Variants in SERINC5 observed in about 807,000 individuals in gnomAD.
SERINC5 encodes chromosome 5 open reading frame 12.
A neutral mutation model predicts 63.1 loss-of-function variants in SERINC5; 41 were observed. The observed-to-expected ratio is 0.65, with a 90% CI of 0.51 to 0.84. The LOEUF (loss-of-function observed/expected upper bound fraction) is 0.84, where lower values mean the gene tolerates loss of function less well. Ranked by LOEUF, SERINC5 falls within the 40% of genes least tolerant of loss-of-function variation. The pLI is 0.00. For missense variants in SERINC5, 523 were observed against 573.0 expected (o/e 0.91, Z 0.89); for synonymous variants, 222 against 215.2 (o/e 1.03, Z -0.28).
intron 7 of SERINC5, 126 bp from the exon 8 acceptor site, chr5:80,159,088 C>T: frequency 2.3e-6 from 2 of 869,092 alleles, no homozygotes; most frequent in South Asian, 3.2e-5. Flanking sequence ...ACACTTATCA[C>T]TGGAAACTTC....
chr5:80,233,999 A>G (rs1462961967), intron 1 of SERINC5, among the ~76,000 whole-genome samples: 17 of 151,644 alleles, frequency 1.1e-4, no homozygotes, highest in Non-Finnish European at 2.1e-4. Flanking sequence ...TTTAGTAGAG[A>G]CAGGGTTTCA....
rs907202183 is a variant in SERINC5 at position 80,142,935 on chromosome 5, A to T, written c.*728T>A. The T allele has an allele frequency of 1.0e-6, 1 of 985,320 alleles. No homozygotes were observed. Among genetic ancestry groups the T allele is most frequent in the Non-Finnish European group, 1.2e-6 (1 of 829,922 alleles). The allele number at this position is 985,320 out of a possible 1,614,324, so 61.0% of individuals were successfully genotyped here. A position where few individuals can be genotyped will look rare whatever the true frequency, so the allele number is the denominator to read the frequency against. ...TTGCAGTAACTCGGATCAGGTAGTGATAATAAGGTGGGGAACCACCTGGGG... is the reference window on the plus strand; with the variant it reads ...TTGCAGTAACTCGGATCAGGTAGTGTTAATAAGGTGGGGAACCACCTGGGG... On this transcript the variant is annotated 3_prime_UTR_variant, in exon 12 of 12. Transcript: ENST00000507668.
At chr5:80,132,803 G>A (rs1452378322) in intron 11 of SERINC5, among the ~76,000 whole-genome samples, 1 of 152,020 alleles carries the variant, frequency 6.6e-6, no homozygotes, top group African/African-American at 2.4e-5. Context: ...CACAGCAATA[G>A]GGGACTGGAA....
chr5:80,232,057 G>A (rs1026957253), intron 1 of SERINC5, among the ~76,000 whole-genome samples: 3 of 143,928 alleles, frequency 2.1e-5, no homozygotes, highest in African/African-American at 7.9e-5. Flanking sequence ...AGCCACGACT[G>A]TGCCACCACA....
chr5:80,217,612 A>G (rs1208855950), intron 1 of SERINC5, among the ~76,000 whole-genome samples: 1 of 152,232 alleles, frequency 6.6e-6, no homozygotes, highest in African/African-American at 2.4e-5. Context: ...TATGTAACAC[A>G]TATGGATGCA....
At chr5:80,135,528 A>T (rs1745132775), downstream of SERINC5, among the ~76,000 whole-genome samples, 1 of 152,226 alleles carries the variant, frequency 6.6e-6, no homozygotes, top group South Asian at 2.1e-4. Context: ...TAACTACAAT[A>T]GAGAATCCCT....
chr5:80,222,731 C>T (rs1211397634), intron 1 of SERINC5, among the ~76,000 whole-genome samples: 7 of 152,044 alleles, frequency 4.6e-5, no homozygotes, highest in Admixed American at 1.3e-4. Context: ...TGCCACCACA[C>T]CTGGCTAATT....
At chr5:80,163,995 G>A (rs995126182) in intron 7 of SERINC5, among the ~76,000 whole-genome samples, 11 of 152,018 alleles carry the variant, frequency 7.2e-5, no homozygotes, top group African/African-American at 2.7e-4. Flanking sequence ...GACTCCATTC[G>A]GTCCTGGCTT....
At chr5:80,130,134 CTTTG>C (rs1744883418) in intron 11 of SERINC5, among the ~76,000 whole-genome samples, 2 of 152,156 alleles carry the variant, frequency 1.3e-5, no homozygotes, top group African/African-American at 4.8e-5. Context: ...AATCCCAGCA[CTTTG>C]GGAGGCCAAG....
rs191681233 is a variant in SERINC5 at position 80,201,898 on chromosome 5, T to C, written c.195+988A>G. ...ATTTGTGAGAATATCAGCTTTATTA[T>C]ACTTCCTATGTAGGCCAAATTAAGT... On this transcript the variant is annotated intron_variant, in intron 2 of 11. Coordinates refer to ENST00000507668, the MANE Select transcript of SERINC5 (RefSeq NM_001174072.3). Among the ~76,000 whole-genome samples, 28 of 152,354 alleles carry C rather than the reference T, an allele frequency of 1.8e-4. No homozygotes were observed. The Middle Eastern group carries it at 0.01, about 56-fold the overall frequency.
intron 7 of SERINC5, among the ~76,000 whole-genome samples, chr5:80,159,456 G>A (rs906776854): frequency 1.3e-5 from 2 of 151,962 alleles, no homozygotes; most frequent in Non-Finnish European, 2.9e-5. Context: ...TAATGTGAGT[G>A]GCTACATGTG....
intron 1 of SERINC5, among the ~76,000 whole-genome samples, chr5:80,252,098 T>C (rs1217982895): frequency 5.4e-5 from 8 of 147,064 alleles, no homozygotes; most frequent in African/African-American, 2.0e-4. Flanking sequence ...CGTCTCACTC[T>C]GTTGCTCAGG....
chr5:80,185,920 T>G (rs894480176), intron 2 of SERINC5, among the ~76,000 whole-genome samples: 3 of 152,000 alleles, frequency 2.0e-5, no homozygotes, highest in Non-Finnish European at 4.4e-5. Flanking sequence ...TCACAGGGGA[T>G]GCGATAGCTT....
intron 2 of SERINC5, among the ~76,000 whole-genome samples, chr5:80,200,404 T>C (rs1749757259): frequency 6.6e-6 from 1 of 150,628 alleles, no homozygotes; most frequent in African/African-American, 2.4e-5. Context: ...GAGAATGGCG[T>C]GAACCCAGGA....
downstream of SERINC5, among the ~76,000 whole-genome samples, chr5:80,136,601 G>A (rs1388376066): frequency 6.6e-6 from 1 of 152,078 alleles, no homozygotes; most frequent in African/African-American, 2.4e-5. Context: ...CAAAAATGTA[G>A]ACAAGATTAC....
rs1747505323 is a variant in SERINC5 at position 80,169,446 on chromosome 5, C to T, written c.652G>A (p.Val218Met). 1 of 1,613,954 alleles carries T rather than the reference C, an allele frequency of 6.2e-7. No homozygotes were observed. Among genetic ancestry groups the T allele is most frequent in the South Asian group, 1.1e-5 (1 of 91,080 alleles). The change falls in exon 6 of 12, where the codon GTG becomes ATG. Residue 218 changes from valine (V) to methionine (M), a missense_variant. Coordinates refer to ENST00000507668, the MANE Select transcript of SERINC5 (RefSeq NM_001174072.3). The stretch of plus-strand genomic sequence containing the variant: ...CAGCTGTCTTTCTGTGTATAAAACA[C>T]TGCCATCAAAACCAAGCCTCCAGTG... The part of the protein sequence containing the change: ...IATGGLVLMA[V>M]FYTQKDSCME...
intron 11 of SERINC5, among the ~76,000 whole-genome samples, chr5:80,132,903 C>T (rs2112259855): frequency 6.6e-6 from 1 of 152,314 alleles, no homozygotes; most frequent in African/African-American, 2.4e-5. Flanking sequence ...ACATAGAAGA[C>T]TGAAGAGCAG....
At chr5:80,126,324 G>T (rs1050979836) in intron 11 of SERINC5, among the ~76,000 whole-genome samples, 1 of 152,164 alleles carries the variant, frequency 6.6e-6, no homozygotes, top group African/African-American at 2.4e-5. Flanking sequence ...ATGCAGTGAG[G>T]TCCAAACTGT....
At chr5:80,198,633 G>A (rs766290567) in intron 2 of SERINC5, 179 of 985,256 alleles carry the variant, frequency 1.8e-4, no homozygotes, top group Non-Finnish European at 2.1e-4. Flanking sequence ...ACAAAGAGGG[G>A]GTAAGGACTC....
Sources: gnomAD v4.1 joint callset for allele counts (sites outside exome capture counted in the v4.1 genomes callset) on GRCh38, gnomAD v4.1.1 for gene constraint, MANE v1.5 for transcripts, NCBI Gene and HGNC (gene_info 2026-07-23, HGNC 2026-07-21) for gene names.